INSL6: variants seen among roughly 807,000 people sequenced by gnomAD.
The protein encoded by INSL6 is insulin-like peptide INSL6.
Under a neutral mutation model 9.4 loss-of-function variants are expected in INSL6, and 16 were observed. That is an observed-to-expected ratio of 1.70 (90% confidence interval 1.15 to 2.59). The LOEUF is 2.59. INSL6 is among the 30% of genes most tolerant of loss of function. The probability of loss-of-function intolerance (pLI) is 0.00; values close to 1 mark genes in which losing one functional copy is unlikely to be tolerated. For synonymous variants in INSL6, 154 were observed against 96.9 expected, an observed-to-expected ratio of 1.59 and a Z score of -3.46; for missense variants, 391 against 257.3, an observed-to-expected ratio of 1.52 and a Z score of -3.56.
downstream of INSL6, among the ~76,000 whole-genome samples, chr9:5,163,632 G>A (rs1192569290): frequency 1.4e-5 from 2 of 138,258 alleles, no homozygotes; most frequent in South Asian, 4.9e-4. Context: ...CACAGCTTAA[G>A]AGAGTTTCAA....
the INSL6 span, chr9:5,085,710 G>A: frequency 1.3e-6 from 1 of 750,260 alleles, no homozygotes; most frequent in Non-Finnish European, 2.5e-6. Context: ...AAGACTAGCA[G>A]TGTGGATCAT....
the INSL6 span, among the ~76,000 whole-genome samples, chr9:5,014,737 T>C: frequency 6.6e-6 from 1 of 152,216 alleles, no homozygotes; most frequent in East Asian, 1.9e-4. Flanking sequence ...AGAATAGATG[T>C]AACTTATATG....
the INSL6 span, chr9:5,098,599 G>A: frequency 6.6e-6 from 1 of 152,032 alleles, no homozygotes; most frequent in Non-Finnish European, 1.5e-5. Flanking sequence ...GTATAAAACA[G>A]ATGAAGTTAA....
chr9:5,027,305 T>A, the INSL6 span, among the ~76,000 whole-genome samples: 1 of 152,240 alleles, frequency 6.6e-6, no homozygotes, highest in Non-Finnish European at 1.5e-5. Flanking sequence ...CCAGTGCATA[T>A]AAAAGTTATG....
At chr9:5,066,820 CTTTA>C in the INSL6 span, 2 of 954,002 alleles carry the variant, frequency 2.1e-6, no homozygotes, top group South Asian at 2.0e-5. Context: ...AGTGGTAACA[CTTTA>C]TTTAGTTCAT....
intron 1 of INSL6, among the ~76,000 whole-genome samples, chr9:5,175,871 G>A (rs1449679231): frequency 6.6e-6 from 1 of 152,032 alleles, no homozygotes; most frequent in East Asian, 1.9e-4. Flanking sequence ...CTACATTATG[G>A]TAAATTGTAT....
At chr9:5,046,684 G>C in the INSL6 span, among the ~76,000 whole-genome samples, 1 of 152,092 alleles carries the variant, frequency 6.6e-6, no homozygotes, top group Non-Finnish European at 1.5e-5. Flanking sequence ...TGGCACCTTT[G>C]TTGAAAATCA....
At chr9:5,088,463 T>G in the INSL6 span, among the ~76,000 whole-genome samples, 1 of 152,238 alleles carries the variant, frequency 6.6e-6, no homozygotes, top group Non-Finnish European at 1.5e-5. Flanking sequence ...ATACTTTATT[T>G]AAATGTTATA....
At chr9:5,089,978 G>A in the INSL6 span, 1 of 571,072 alleles carries the variant, frequency 1.8e-6, no homozygotes, top group Non-Finnish European at 2.7e-6. Context: ...AGAGGGAGAG[G>A]CATTCTATAA....
At chr9:5,012,112 A>G in the INSL6 span, among the ~76,000 whole-genome samples, 2 of 152,082 alleles carry the variant, frequency 1.3e-5, no homozygotes, top group South Asian at 2.1e-4. Context: ...TCTGCCCTCA[A>G]TTTTTGGCTT....
the INSL6 span, among the ~76,000 whole-genome samples, chr9:5,029,231 C>T: frequency 6.6e-6 from 1 of 152,100 alleles, no homozygotes; most frequent in South Asian, 2.1e-4. Context: ...ATAGAGAGGC[C>T]TAAGGAGAGG....
chr9:5,149,210 T>C (rs983199337), intron 2 of INSL6, among the ~76,000 whole-genome samples: 3 of 152,234 alleles, frequency 2.0e-5, no homozygotes, highest in Admixed American at 6.5e-5. Flanking sequence ...AGAGTGCCTT[T>C]TGGGGCCAGG....
the INSL6 span, among the ~76,000 whole-genome samples, chr9:5,080,965 G>A: frequency 1.4e-5 from 2 of 142,404 alleles, no homozygotes; most frequent in Non-Finnish European, 3.0e-5. Flanking sequence ...GCGCGATCTC[G>A]GCTCACTGCA....
chr9:5,091,839 T>C, the INSL6 span, among the ~76,000 whole-genome samples: 1 of 152,118 alleles, frequency 6.6e-6, no homozygotes, highest in Non-Finnish European at 1.5e-5. Flanking sequence ...ATGGGTACTT[T>C]AAGGTTGTTA....
intron 1 of INSL6, among the ~76,000 whole-genome samples, chr9:5,176,306 C>A (rs1029145516): frequency 6.6e-6 from 1 of 152,270 alleles, no homozygotes; most frequent in East Asian, 1.9e-4. Flanking sequence ...TAATACTATA[C>A]CCCACCTTTC....
At chr9:4,993,036 T>A in the INSL6 span, among the ~76,000 whole-genome samples, 3 of 152,212 alleles carry the variant, frequency 2.0e-5, no homozygotes, top group Admixed American at 6.5e-5. Context: ...CTGCCTGTAG[T>A]GCTCCAGAGT....
intron 1 of INSL6, among the ~76,000 whole-genome samples, chr9:5,175,939 G>A (rs1436054302): frequency 4.6e-5 from 7 of 152,104 alleles, no homozygotes; most frequent in Admixed American, 2.0e-4. Flanking sequence ...CACAATAAAC[G>A]TAATGCGCTT....
chr9:5,119,557 T>G (rs1294228507), downstream of INSL6, among the ~76,000 whole-genome samples: 1 of 152,152 alleles, frequency 6.6e-6, no homozygotes, highest in East Asian at 1.9e-4. Flanking sequence ...TAATTTCATA[T>G]TATGAAAATA....
Position 5,150,961 on chromosome 9 carries a change from T to C in INSL6, c.376+13218A>G, listed in dbSNP as rs76948095. Among the ~76,000 whole-genome samples the C allele has an allele frequency of 5.8e-3, 876 of 152,190 alleles. 5 individuals are homozygous for C. The highest frequency in any genetic ancestry group is 0.019 in the African/African-American group (787 of 41,530). ...GGTGGAACTGGAGGCTATTATCTTA[T>C]ATAAAATAACTAAGAAACAGAAAGT... On this transcript the variant is annotated intron_variant, in intron 2 of 3. Transcript: ENST00000649639.
Sources: gnomAD v4.1 joint callset for allele counts (sites outside exome capture counted in the v4.1 genomes callset) on GRCh38, gnomAD v4.1.1 for gene constraint, MANE v1.5 for transcripts, NCBI Gene and HGNC (gene_info 2026-07-23, HGNC 2026-07-21) for gene names.